Variants in HECW2 observed in about 807,000 individuals in gnomAD.
HECW2 encodes HECT, C2 and WW domain containing E3 ubiquitin protein ligase 2, also known as E3 ubiquitin-protein ligase HECW2.
Under a neutral mutation model 175.2 loss-of-function variants are expected in HECW2, and 61 were observed. The ratio of observed to expected loss-of-function variants is 0.35; its 90% CI spans 0.28 to 0.43. The LOEUF (loss-of-function observed/expected upper bound fraction) is 0.43, where lower values mean the gene tolerates loss of function less well. HECW2 is among the 20% of genes least tolerant of loss of function. The pLI, the probability that HECW2 is intolerant of heterozygous loss-of-function variation, is 1.00. For missense variants in HECW2, 1,524 were observed against 2,000.5 expected, an observed-to-expected ratio of 0.76 and a Z score of 4.54; for synonymous variants, 671 against 731.0, an observed-to-expected ratio of 0.92 and a Z score of 1.32.
intron 2 of HECW2, among the ~76,000 whole-genome samples, chr2:196,432,507 T>TA (rs1559107267): frequency 6.6e-6 from 1 of 152,222 alleles, no homozygotes; most frequent in East Asian, 1.9e-4. Context: ...ACTCAGCAAA[T>TA]GTAAGTTCAC....
chr2:196,330,959 A>T (rs1692336942), intron 4 of HECW2, among the ~76,000 whole-genome samples: 1 of 151,540 alleles, frequency 6.6e-6, no homozygotes, highest in Non-Finnish European at 1.5e-5. Flanking sequence ...TCTCCCCTTT[A>T]TCTTTGCTGC....
At chr2:196,410,411 A>T (rs966657180) in intron 2 of HECW2, among the ~76,000 whole-genome samples, 1 of 152,222 alleles carries the variant, frequency 6.6e-6, no homozygotes, top group Non-Finnish European at 1.5e-5. Context: ...AAAATAGACA[A>T]AGCAGTTTAA....
At chr2:196,435,806 T>C (rs1475038561) in intron 1 of HECW2, among the ~76,000 whole-genome samples, 1 of 152,244 alleles carries the variant, frequency 6.6e-6, no homozygotes, top group Admixed American at 6.5e-5. Flanking sequence ...ATCTGCCTCA[T>C]AGGATTTTGG....
At chr2:196,456,542 C>T (rs1696521267) in intron 1 of HECW2, among the ~76,000 whole-genome samples, 2 of 152,180 alleles carry the variant, frequency 1.3e-5, no homozygotes. Flanking sequence ...GGAAGCTTCA[C>T]TGCAAACATG....
At chr2:196,555,312 C>T (rs541890200) in intron 1 of HECW2, among the ~76,000 whole-genome samples, 6 of 152,230 alleles carry the variant, frequency 3.9e-5, no homozygotes, top group Admixed American at 3.9e-4. Context: ...AGAGCTCCTT[C>T]TTGCTGGGTC....
intron 1 of HECW2, among the ~76,000 whole-genome samples, chr2:196,455,688 C>T (rs116672842): frequency 4.6e-5 from 7 of 152,116 alleles, no homozygotes; most frequent in African/African-American, 1.7e-4. Flanking sequence ...TTAAAACAAT[C>T]TTTTTTAACT....
chr2:196,459,954 C>T (rs1447929554), intron 1 of HECW2, among the ~76,000 whole-genome samples: 1 of 152,166 alleles, frequency 6.6e-6, no homozygotes, highest in Non-Finnish European at 1.5e-5. Flanking sequence ...ATGACTCCTC[C>T]TATTGCTTAC....
At position 196,286,387 on chromosome 2, in the gene HECW2, C is replaced by CATATATATATATATATATATAT. The variant is rs201658582; in HGVS notation, c.3000+6177_3000+6178insATATATATATATATATATATAT. Among the ~76,000 whole-genome samples the CATATATATATATATATATATAT allele has an allele frequency of 9.2e-4, 126 of 137,686 alleles. 1 individual carries two copies. The highest frequency in any genetic ancestry group is 3.9e-3 in the Middle Eastern group (1 of 258). 90.3% of individuals were successfully genotyped at this position (137,686 alleles called of 152,430 possible). The stretch of plus-strand genomic sequence containing the variant: ...TATATATATATTTTAAGATGGAGGT[C>CATATATATATATATATATATAT]ATATATATATATATTTAAATCCATG... On this transcript the variant is annotated intron_variant, in intron 14 of 28. Transcript: ENST00000644978.
intron 14 of HECW2, among the ~76,000 whole-genome samples, chr2:196,281,458 C>CA (rs1052317646): frequency 2.7e-4 from 41 of 151,776 alleles, no homozygotes; most frequent in African/African-American, 8.9e-4. Flanking sequence ...GGCAACATGG[C>CA]AAAACCCTGT....
intron 2 of HECW2, among the ~76,000 whole-genome samples, chr2:196,366,010 A>G (rs1051703987): frequency 6.6e-6 from 1 of 152,170 alleles, no homozygotes; most frequent in African/African-American, 2.4e-5. Flanking sequence ...GCTTCCCCCC[A>G]CAATAACTAC....
At position 196,257,904 on chromosome 2, in the gene HECW2, T is replaced by A. The variant is rs1373914519; in HGVS notation, c.3338A>T (p.Glu1113Val). ...PDLTRNHSLR[E>V]KIQFIRTEGT... ...TTCAGTTCGGATAAATTGGATCTTCTCCCTAATCAAGAAAAGAAACAGCAC... is the reference window on the plus strand; with the variant it reads ...TTCAGTTCGGATAAATTGGATCTTCACCCTAATCAAGAAAAGAAACAGCAC... The change falls in exon 18 of 29, where the codon GAG becomes GTG. Residue 1113 changes from glutamate to valine, a missense_variant and splice_region_variant. Physicochemically the swap from Glu to Val is moderately radical, Grantham distance 121 (BLOSUM62 -2). Transcript: ENST00000644978. The A allele has an allele frequency of 6.2e-7, 1 of 1,612,364 alleles. No individual in the cohort carries two copies. Among genetic ancestry groups the A allele is most frequent in the Non-Finnish European group, 8.5e-7 (1 of 1,178,550 alleles).
chr2:196,424,997 T>A (rs1025326715), intron 2 of HECW2, among the ~76,000 whole-genome samples: 80 of 149,082 alleles, frequency 5.4e-4, no homozygotes, highest in African/African-American at 1.8e-3. Flanking sequence ...AGATTGACTC[T>A]CTTGTTAGGG....
intron 14 of HECW2, among the ~76,000 whole-genome samples, chr2:196,283,377 CTT>C (rs745802743): frequency 1.3e-4 from 17 of 135,502 alleles, no homozygotes; most frequent in African/African-American, 1.6e-4. Flanking sequence ...AGAGAATACA[CTT>C]TTTTTTTTTT....
chr2:196,324,827 G>A (rs944713392), intron 6 of HECW2, among the ~76,000 whole-genome samples, 153 bp downstream of exon 6: 2 of 152,132 alleles, frequency 1.3e-5, no homozygotes, highest in African/African-American at 2.4e-5. Flanking sequence ...TGGCTCTGGA[G>A]AGATGGGAAT....
intron 10 of HECW2, among the ~76,000 whole-genome samples, chr2:196,308,972 A>G (rs1165961256): frequency 2.0e-5 from 3 of 152,360 alleles, no homozygotes; most frequent in African/African-American, 4.8e-5. Context: ...TTCTTTGTGC[A>G]TTTATATTTT....
At chr2:196,479,570 C>G (rs945069550) in intron 1 of HECW2, among the ~76,000 whole-genome samples, 1 of 152,204 alleles carries the variant, frequency 6.6e-6, no homozygotes, top group African/African-American at 2.4e-5. Flanking sequence ...GATCACTGGA[C>G]CACAGCTATG....
intron 14 of HECW2, among the ~76,000 whole-genome samples, chr2:196,287,636 A>T (rs184673702): frequency 1.3e-5 from 2 of 152,330 alleles, no homozygotes; most frequent in East Asian, 3.9e-4. Context: ...TTTTCTCATT[A>T]TCCAAGTCAT....
At chr2:196,488,775 A>G (rs1021546099) in intron 1 of HECW2, among the ~76,000 whole-genome samples, 3 of 152,156 alleles carry the variant, frequency 2.0e-5, no homozygotes, top group Non-Finnish European at 4.4e-5. Context: ...TACTTTTCCT[A>G]CTTTTCTACA....
intron 1 of HECW2, among the ~76,000 whole-genome samples, chr2:196,472,009 A>C (rs1697218731): frequency 6.6e-6 from 1 of 151,780 alleles, no homozygotes; most frequent in Non-Finnish European, 1.5e-5. Flanking sequence ...GCAAGAGAGA[A>C]CCTAAAAGTC....
Sources: gnomAD v4.1 joint callset for allele counts (sites outside exome capture counted in the v4.1 genomes callset) on GRCh38, gnomAD v4.1.1 for gene constraint, MANE v1.5 for transcripts, NCBI Gene and HGNC (gene_info 2026-07-23, HGNC 2026-07-21) for gene names.